Variants in MAGI1 observed in about 807,000 individuals in gnomAD.
The protein encoded by MAGI1 is membrane-associated guanylate kinase, WW and PDZ domain-containing protein 1.
MAGI1 carries 58 observed loss-of-function variants against 139.9 expected under a neutral mutation model. That is an observed-to-expected ratio of 0.41 (90% CI 0.34 to 0.52). The LOEUF is 0.52. MAGI1 is among the 20% of genes least tolerant of loss of function. The pLI, the probability that MAGI1 is intolerant of heterozygous loss-of-function variation, is 0.12. For synonymous variants in MAGI1, 812 were observed against 737.9 expected, an observed-to-expected ratio of 1.10 and a Z score of -1.63; for missense variants, 1,874 against 1,901.6, an observed-to-expected ratio of 0.99 and a Z score of 0.27.
At chr3:65,571,706 C>G (rs747201221) in intron 2 of MAGI1, among the ~76,000 whole-genome samples, 1 of 151,494 alleles carries the variant, frequency 6.6e-6, no homozygotes, top group Non-Finnish European at 1.5e-5. Flanking sequence ...AGGAGCCATG[C>G]GTAACAGGAC....
chr3:65,472,218 G>A (rs1216737442), intron 4 of MAGI1, among the ~76,000 whole-genome samples: 8 of 152,002 alleles, frequency 5.3e-5, no homozygotes, highest in Non-Finnish European at 2.9e-5. Flanking sequence ...TCAAAACCCG[G>A]CAAGAATTAA....
intron 2 of MAGI1, among the ~76,000 whole-genome samples, chr3:65,518,069 T>C (rs1158980971): frequency 2.6e-5 from 4 of 152,104 alleles, no homozygotes; most frequent in Admixed American, 2.0e-4. Flanking sequence ...GCACCTGGAG[T>C]AGTATCTGGT....
At chr3:65,766,638 C>T (rs1013167888) in intron 1 of MAGI1, among the ~76,000 whole-genome samples, 6 of 152,092 alleles carry the variant, frequency 3.9e-5, no homozygotes, top group African/African-American at 1.2e-4. Flanking sequence ...GCCTGTAATC[C>T]CAACACTTTG....
intron 1 of MAGI1, among the ~76,000 whole-genome samples, chr3:65,737,150 A>G (rs1430024821): frequency 6.6e-6 from 1 of 151,980 alleles, no homozygotes; most frequent in African/African-American, 2.4e-5. Flanking sequence ...GACTACAGGC[A>G]CCGCCACCAC....
intron 1 of MAGI1, among the ~76,000 whole-genome samples, chr3:65,811,316 G>A (rs2041220177): frequency 1.3e-5 from 2 of 152,218 alleles, no homozygotes; most frequent in African/African-American, 4.8e-5. Flanking sequence ...AAGAGGCTAG[G>A]AGACTAGTGT....
At chr3:65,848,795 G>C (rs1233944652) in intron 1 of MAGI1, among the ~76,000 whole-genome samples, 1 of 151,892 alleles carries the variant, frequency 6.6e-6, no homozygotes, top group Non-Finnish European at 1.5e-5. Flanking sequence ...CCATCTTCAA[G>C]TGGAGAAGAC....
At chr3:65,402,008 A>G (rs1385021922) in intron 12 of MAGI1, 1 of 529,222 alleles carries the variant, frequency 1.9e-6, no homozygotes, top group East Asian at 1.5e-4. Flanking sequence ...GGATGAGCTC[A>G]ATACCAAAAC....
At chr3:65,621,796 C>A (rs2083682997) in intron 2 of MAGI1, among the ~76,000 whole-genome samples, 176 bp downstream of exon 2, 2 of 152,014 alleles carry the variant, frequency 1.3e-5, no homozygotes, top group East Asian at 1.9e-4. Flanking sequence ...TGACTGAAAC[C>A]CAGGCACACC....
chr3:65,483,363 A>G (rs1381553430), intron 3 of MAGI1, among the ~76,000 whole-genome samples: 2 of 152,168 alleles, frequency 1.3e-5, no homozygotes, highest in African/African-American at 4.8e-5. Flanking sequence ...CAGGCATTTG[A>G]GTTCATGACT....
chr3:65,590,259 AC>A (rs2081909497), intron 2 of MAGI1, among the ~76,000 whole-genome samples: 1 of 152,100 alleles, frequency 6.6e-6, no homozygotes, highest in Non-Finnish European at 1.5e-5. Flanking sequence ...GTCTCTCACC[AC>A]CACCAATTCC....
At chr3:65,436,801 G>A (rs1441632777) in intron 10 of MAGI1, among the ~76,000 whole-genome samples, 2 of 152,050 alleles carry the variant, frequency 1.3e-5, no homozygotes, top group Non-Finnish European at 2.9e-5. Context: ...TGTGCTACTG[G>A]CATCTAGTGG....
chr3:65,935,999 A>T (rs1266065798), intron 1 of MAGI1, among the ~76,000 whole-genome samples: 7 of 152,340 alleles, frequency 4.6e-5, no homozygotes, highest in Non-Finnish European at 7.3e-5. Flanking sequence ...TGGCCAACTC[A>T]CAAAATGATG....
At chr3:65,540,375 T>G (rs954089036) in intron 2 of MAGI1, among the ~76,000 whole-genome samples, 2 of 152,140 alleles carry the variant, frequency 1.3e-5, no homozygotes, top group African/African-American at 4.8e-5. Flanking sequence ...ATTTTGGGTG[T>G]TTTTTTCTAT....
intron 1 of MAGI1, among the ~76,000 whole-genome samples, chr3:65,752,497 C>A (rs2036234042): frequency 6.6e-6 from 1 of 152,126 alleles, no homozygotes; most frequent in South Asian, 2.1e-4. Context: ...TGGTTGTTCT[C>A]CACAAAACGT....
At chr3:65,684,151 G>C (rs566956157) in intron 1 of MAGI1, among the ~76,000 whole-genome samples, 2 of 129,644 alleles carry the variant, frequency 1.5e-5, no homozygotes, top group South Asian at 4.9e-4. Flanking sequence ...TCCAGCCTGA[G>C]CAACAGAGAC....
intron 1 of MAGI1, among the ~76,000 whole-genome samples, chr3:65,695,013 T>A (rs1180909727): frequency 6.6e-6 from 1 of 152,240 alleles, no homozygotes; most frequent in Non-Finnish European, 1.5e-5. Flanking sequence ...AGGGAATATT[T>A]AGTAAATTAG....
chr3:65,624,585 C>T lies in MAGI1; in HGVS notation c.314-2497G>A, dbSNP rs78137445. Reference sequence around the variant, plus strand: ...TGGGATGGACTAAAAAATTTTGGAACGGACTAATTTATAGTGAGAGAAAAC... The same window carrying T: ...TGGGATGGACTAAAAAATTTTGGAATGGACTAATTTATAGTGAGAGAAAAC... On this transcript the variant is annotated intron_variant, in intron 1 of 22. Transcript: ENST00000402939. 2.2e-4 allele frequency among the ~76,000 whole-genome samples: 34 copies of T among 152,148 alleles called. No individual in the cohort carries two copies. In the East Asian group the frequency reaches 5.6e-3, roughly 25 times the overall value.
intron 1 of MAGI1, chr3:65,687,832 T>C (rs1354462030): frequency 1.7e-6 from 1 of 605,394 alleles, no homozygotes; most frequent in Non-Finnish European, 3.3e-6. Context: ...AAGACTGTCA[T>C]TACAACAGTG....
chr3:65,409,221 T>C (rs1439587653), intron 12 of MAGI1, among the ~76,000 whole-genome samples: 3 of 152,176 alleles, frequency 2.0e-5, no homozygotes, highest in African/African-American at 7.2e-5. Context: ...GAGGAGCTCA[T>C]AGTCTATTTT....
Sources: gnomAD v4.1 joint callset for allele counts (sites outside exome capture counted in the v4.1 genomes callset) on GRCh38, gnomAD v4.1.1 for gene constraint, MANE v1.5 for transcripts, NCBI Gene and HGNC (gene_info 2026-07-23, HGNC 2026-07-21) for gene names.